LRBA: variants seen among roughly 807,000 people sequenced by gnomAD.
The protein encoded by LRBA is lipopolysaccharide-responsive and beige-like anchor protein.
Under a neutral mutation model 330.0 loss-of-function variants are expected in LRBA, and 176 were observed. That is an observed-to-expected ratio of 0.53 (90% CI 0.47 to 0.60). The LOEUF (loss-of-function observed/expected upper bound fraction) is 0.60. Ranked by LOEUF, LRBA falls within the 20% of genes least tolerant of loss-of-function variation. LRBA has a pLI of 0.00. For missense variants in LRBA, 3,259 were observed against 3,444.8 expected (o/e 0.95, Z 1.35); for synonymous variants, 1,230 against 1,193.0 (o/e 1.03, Z -0.64).
At chr4:150,380,741 T>C (rs1244896489) in intron 47 of LRBA, among the ~76,000 whole-genome samples, 5 of 151,922 alleles carry the variant, frequency 3.3e-5, no homozygotes, top group Admixed American at 2.6e-4. Flanking sequence ...TTTAGGAGGC[T>C]GAGGAGGGTG....
intron 37 of LRBA, among the ~76,000 whole-genome samples, chr4:150,677,497 T>A (rs1782656324): frequency 6.6e-6 from 1 of 152,222 alleles, no homozygotes; most frequent in Non-Finnish European, 1.5e-5. Context: ...TTGGATGCCA[T>A]AAGTTTATTT....
intron 42 of LRBA, among the ~76,000 whole-genome samples, chr4:150,480,823 T>A (rs1245174278): frequency 1.3e-5 from 2 of 152,170 alleles, no homozygotes; most frequent in Non-Finnish European, 2.9e-5. Context: ...AAAACATTTA[T>A]CATTTACTTG....
At chr4:150,748,244 C>G (rs528868289) in intron 35 of LRBA, among the ~76,000 whole-genome samples, 3 of 152,322 alleles carry the variant, frequency 2.0e-5, no homozygotes, top group African/African-American at 4.8e-5. Context: ...TCCCTCTTTT[C>G]TAGAATACTT....
chr4:150,394,326 T>C (rs1335393236), intron 47 of LRBA, among the ~76,000 whole-genome samples: 1 of 152,176 alleles, frequency 6.6e-6, no homozygotes, highest in East Asian at 1.9e-4. Flanking sequence ...ACCATGCATA[T>C]GTCATAAAAT....
intron 36 of LRBA, among the ~76,000 whole-genome samples, chr4:150,700,956 C>G (rs1007620669): frequency 2.0e-5 from 3 of 152,094 alleles, no homozygotes; most frequent in African/African-American, 7.2e-5. Flanking sequence ...GACAAGGTCT[C>G]CCTATGTTGC....
At chr4:150,594,466 T>C (rs1773250879) in intron 38 of LRBA, among the ~76,000 whole-genome samples, 1 of 152,090 alleles carries the variant, frequency 6.6e-6, no homozygotes. Flanking sequence ...TGTGAGCATA[T>C]TCTACACACG....
chr4:150,506,529 C>G (rs145302013), intron 40 of LRBA, among the ~76,000 whole-genome samples: 2,540 of 152,174 alleles, frequency 0.017, 76 homozygotes, highest in African/African-American at 0.055. Context: ...ATTCAACAAC[C>G]CTTCATGCTA....
At chr4:150,828,960 T>C (rs1484185010) in intron 29 of LRBA, among the ~76,000 whole-genome samples, 3 of 151,210 alleles carry the variant, frequency 2.0e-5, no homozygotes, top group Non-Finnish European at 4.4e-5. Context: ...TGTGTGTGTG[T>C]GTGTCAGTCT....
intron 42 of LRBA, among the ~76,000 whole-genome samples, chr4:150,476,365 G>A (rs1390489361): frequency 6.6e-6 from 1 of 152,086 alleles, no homozygotes; most frequent in East Asian, 1.9e-4. Flanking sequence ...GGCCACAGAA[G>A]TAACCAAAGC....
intron 17 of LRBA, among the ~76,000 whole-genome samples, chr4:150,892,439 C>A (rs139633540): frequency 6.6e-6 from 1 of 152,114 alleles, no homozygotes; most frequent in African/African-American, 2.4e-5. Flanking sequence ...CGAGAGAGCT[C>A]ACTCATGCTC....
intron 2 of LRBA, among the ~76,000 whole-genome samples, chr4:150,937,719 C>A (rs1735235973): frequency 6.6e-6 from 1 of 152,038 alleles, no homozygotes; most frequent in African/African-American, 2.4e-5. Flanking sequence ...TACTTTAATG[C>A]ATAAGGTTAT....
intron 44 of LRBA, among the ~76,000 whole-genome samples, chr4:150,451,762 G>A (rs1753372169): frequency 6.6e-6 from 1 of 152,084 alleles, no homozygotes; most frequent in Non-Finnish European, 1.5e-5. Context: ...TCTCTAACCA[G>A]ACTGGTCCAG....
chr4:150,572,977 A>G (rs1770052358), intron 40 of LRBA, among the ~76,000 whole-genome samples: 1 of 152,140 alleles, frequency 6.6e-6, no homozygotes, highest in Non-Finnish European at 1.5e-5. Context: ...AGGGGCTGTG[A>G]CTGCCTGATG....
intron 47 of LRBA, among the ~76,000 whole-genome samples, chr4:150,378,197 G>C (rs1430257269): frequency 1.3e-5 from 2 of 152,116 alleles, no homozygotes; most frequent in African/African-American, 4.8e-5. Flanking sequence ...GATAATAGCT[G>C]ACTACCTGCC....
At chr4:150,408,380 A>C (rs535614804) in intron 47 of LRBA, among the ~76,000 whole-genome samples, 6 of 152,158 alleles carry the variant, frequency 3.9e-5, no homozygotes, top group Non-Finnish European at 8.8e-5. Context: ...AAACTAAAAA[A>C]ACTGATTTGG....
At chr4:150,544,024 C>T (rs988724033) in intron 40 of LRBA, among the ~76,000 whole-genome samples, 3 of 152,142 alleles carry the variant, frequency 2.0e-5, no homozygotes, top group East Asian at 1.9e-4. Flanking sequence ...CAGTAGTCTC[C>T]ACTGTCCTTA....
intron 56 of LRBA, among the ~76,000 whole-genome samples, chr4:150,271,955 T>C (rs1341684861): frequency 6.6e-6 from 1 of 152,204 alleles, no homozygotes. Context: ...TAAATGTCCC[T>C]GTCTGACAGC....
intron 17 of LRBA, among the ~76,000 whole-genome samples, chr4:150,886,054 T>C (rs1347426386): frequency 1.3e-5 from 2 of 151,482 alleles, no homozygotes; most frequent in Admixed American, 6.6e-5. Flanking sequence ...CCAAATGGAG[T>C]CAGCCCAATA....
At chr4:150,610,308 G>T (rs1360875325) in intron 37 of LRBA, among the ~76,000 whole-genome samples, 1 of 152,164 alleles carries the variant, frequency 6.6e-6, no homozygotes, top group African/African-American at 2.4e-5. Context: ...GAGCAGCTGA[G>T]GCCAGGTGTG....
Sources: gnomAD v4.1 joint callset for allele counts (sites outside exome capture counted in the v4.1 genomes callset) on GRCh38, gnomAD v4.1.1 for gene constraint, MANE v1.5 for transcripts, NCBI Gene and HGNC (gene_info 2026-07-23, HGNC 2026-07-21) for gene names.